The following ACSS1 variants were observed in gnomAD, a reference collection of about 807,000 sequenced individuals.
The protein encoded by ACSS1 is acyl-CoA synthetase short chain family member 1.
A neutral mutation model predicts 75.3 loss-of-function variants in ACSS1; 42 were observed. That is an observed-to-expected ratio of 0.56 (90% CI 0.44 to 0.72). ACSS1 has a LOEUF of 0.72. Among genes scored for constraint, ACSS1 ranks in the 30% least tolerant of loss-of-function variants. The pLI, the probability that ACSS1 is intolerant of heterozygous loss-of-function variation, is 0.00. For synonymous variants in ACSS1, 380 were observed against 376.8 expected (o/e 1.01, Z -0.10); for missense variants, 782 against 935.7 (o/e 0.84, Z 2.14).
At chr20:25,008,839 C>G (rs1042456129) in intron 13 of ACSS1, among the ~76,000 whole-genome samples, 2 of 152,210 alleles carry the variant, frequency 1.3e-5, no homozygotes, top group African/African-American at 4.8e-5. Flanking sequence ...CTGCACATGC[C>G]AACATACGAG....
In ACSS1 at chr20:25,057,951, G is replaced by A. The variant is rs554617131; in HGVS notation, c.152C>T (p.Ala51Val). Reference protein sequence around the residue: ...PSGSAPAVAAAAAQPGSYPAL... With the variant: ...PSGSAPAVAAVAAQPGSYPAL... ...GGGATACGAGCCTGGCTGTGCTGCTGCTGCTGCAACTGCGGGAGCGCTGCC... is the reference window on the plus strand; with the variant it reads ...GGGATACGAGCCTGGCTGTGCTGCTACTGCTGCAACTGCGGGAGCGCTGCC... Residue 51 changes from alanine to valine, a missense_variant, in exon 1 of 14, where the codon GCA becomes GTA. By Grantham distance (64) the Ala-to-Val change is moderately conservative. This residue lies in a region of ACSS1 where 377 missense variants were observed against 383.1 expected (regional missense o/e 0.98). Coordinates refer to ENST00000323482, the MANE Select transcript of ACSS1 (RefSeq NM_032501.4). The A allele has an allele frequency of 4.4e-6, 7 of 1,600,588 alleles. No individual in the cohort carries two copies. In the African/African-American group the frequency reaches 9.4e-5, roughly 21 times the overall value.
At chr20:25,018,179 C>A (rs2088553595) in intron 7 of ACSS1, among the ~76,000 whole-genome samples, 1 of 152,138 alleles carries the variant, frequency 6.6e-6, no homozygotes, top group African/African-American at 2.4e-5. Context: ...AGGTTTCCAC[C>A]CTCATGAGTG....
chr20:25,053,100 A>C (rs1193541043), intron 1 of ACSS1, among the ~76,000 whole-genome samples: 2 of 130,826 alleles, frequency 1.5e-5, no homozygotes, highest in African/African-American at 3.1e-5. Context: ...GTCTCACTCC[A>C]TTGCCCAGGC....
intron 1 of ACSS1, among the ~76,000 whole-genome samples, chr20:25,049,106 A>T (rs968296849): frequency 6.6e-6 from 1 of 152,238 alleles, no homozygotes; most frequent in Non-Finnish European, 1.5e-5. Flanking sequence ...ACAAATGTAG[A>T]CAGATTCCAG....
chr20:25,021,279 T>C (rs1487773808), intron 6 of ACSS1, 110 bp downstream of exon 6: 9 of 1,407,134 alleles, frequency 6.4e-6, no homozygotes, highest in Middle Eastern at 5.1e-4. Context: ...AGCCACACCC[T>C]CACCAGAACC....
rs2088461201 is a variant in ACSS1 at position 25,013,664 on chromosome 20, T to C, written c.1453-2A>G. 6.3e-7 allele frequency: 1 copy of C among 1,594,260 alleles called. No individual in the cohort carries two copies. Among genetic ancestry groups the C allele is most frequent in the Non-Finnish European group, 8.6e-7 (1 of 1,169,210 alleles). The stretch of plus-strand genomic sequence containing the variant: ...GTTGCTGCCCTCCACGACGCTGCCC[T>C]GTAGACCCCGGACATGCAAGTGAGA... On this transcript the variant is annotated splice_acceptor_variant, in intron 9 of 13. Coordinates refer to ENST00000323482, the MANE Select transcript of ACSS1 (RefSeq NM_032501.4). LOFTEE classifies it high-confidence loss of function.
Position 25,016,971 on chromosome 20 carries a change from ACTT to A in ACSS1, c.1247-1744_1247-1742del, listed in dbSNP as rs144561574. The stretch of plus-strand genomic sequence containing the variant: ...ACCCCTGGAGCAGAGGTCGAGGAAA[ACTT>A]CAGCTTTTTTTTTTTTTCTTTTTTT... On this transcript the variant is annotated intron_variant, in intron 7 of 13. Coordinates refer to ENST00000323482, the MANE Select transcript of ACSS1 (RefSeq NM_032501.4). Among the ~76,000 whole-genome samples the A allele has an allele frequency of 7.2e-4, 109 of 151,618 alleles. 2 individuals are homozygous for A. In the East Asian group the frequency reaches 0.021, roughly 29 times the overall value.
intron 2 of ACSS1, among the ~76,000 whole-genome samples, chr20:25,047,237 A>G (rs2089108306): frequency 6.6e-6 from 1 of 152,122 alleles, no homozygotes; most frequent in Non-Finnish European, 1.5e-5. Flanking sequence ...GCCTGTCGGA[A>G]TGCTCCTCCT....
At chr20:25,032,853 C>T (rs2088850310) in intron 2 of ACSS1, 1 of 273,232 alleles carries the variant, frequency 3.7e-6, no homozygotes, top group South Asian at 1.4e-4. Context: ...AACCAGATCG[C>T]AAGGCCAGCC....
Position 25,020,154 on chromosome 20 carries a change from A to C in ACSS1, c.1109-7T>G, listed in dbSNP as rs1372176936. On this transcript the variant is annotated splice_region_variant and splice_polypyrimidine_tract_variant and intron_variant, in intron 6 of 13. Coordinates refer to ENST00000323482, the MANE Select transcript of ACSS1 (RefSeq NM_032501.4). ...ACTGTCTCCCAGTACCGACCTACAG[A>C]AAGGCCGAAATTCACTGTCAGCAGG... 6.2e-7 allele frequency: 1 copy of C among 1,614,084 alleles called. No individual in the cohort carries two copies. The highest frequency in any genetic ancestry group is 1.7e-5 in the Admixed American group (1 of 60,024).
intron 2 of ACSS1, among the ~76,000 whole-genome samples, chr20:25,042,915 C>T (rs767476351): frequency 2.0e-5 from 3 of 152,234 alleles, no homozygotes; most frequent in Non-Finnish European, 1.5e-5. Flanking sequence ...TCTCCACGCC[C>T]AGCAGCCCAG....
chr20:25,020,347 C>A (rs894851231), intron 6 of ACSS1, among the ~76,000 whole-genome samples, 200 bp from the exon 7 acceptor site: 1 of 151,776 alleles, frequency 6.6e-6, no homozygotes, highest in African/African-American at 2.4e-5. Flanking sequence ...TGGCCGCTCT[C>A]CTCCAAGCAC....
At chr20:25,012,357 C>T in intron 12 of ACSS1, 1 of 565,896 alleles carries the variant, frequency 1.8e-6, no homozygotes, top group Non-Finnish European at 3.1e-6. Flanking sequence ...CCAACTGGGT[C>T]ATGGCCACTG....
At chr20:25,024,317 G>T (rs1204038752) in intron 3 of ACSS1, among the ~76,000 whole-genome samples, 2 of 152,248 alleles carry the variant, frequency 1.3e-5, no homozygotes, top group Non-Finnish European at 2.9e-5. Flanking sequence ...CCAGAGCAGA[G>T]AAGAGGGGTG....
intron 2 of ACSS1, among the ~76,000 whole-genome samples, chr20:25,033,190 C>T (rs770579512): frequency 1.3e-5 from 2 of 152,142 alleles, no homozygotes; most frequent in Non-Finnish European, 2.9e-5. Context: ...TTTCATAGCT[C>T]TGAGAGCTTA....
intron 1 of ACSS1, among the ~76,000 whole-genome samples, chr20:25,049,603 G>A (rs2089148769): frequency 6.6e-6 from 1 of 152,186 alleles, no homozygotes. Flanking sequence ...TCCAAACAGG[G>A]CACTGGAGCT....
chr20:25,055,075 G>A (rs4815364), intron 1 of ACSS1, among the ~76,000 whole-genome samples: 82,947 of 152,030 alleles, frequency 0.55, 23,833 homozygotes, highest in East Asian at 0.73. Context: ...CATTCCTTCT[G>A]TTTTATGGAA....
intron 2 of ACSS1, 86 bp from the exon 3 acceptor site, chr20:25,031,044 T>C (rs768231733): frequency 2.5e-5 from 33 of 1,320,952 alleles, no homozygotes; most frequent in Non-Finnish European, 3.4e-5. Context: ...ACTGCAAATT[T>C]TATGTCATAT....
chr20:25,028,030 T>C (rs915675815), intron 3 of ACSS1, among the ~76,000 whole-genome samples: 1 of 152,072 alleles, frequency 6.6e-6, no homozygotes, highest in African/African-American at 2.4e-5. Context: ...TAAAAATTCA[T>C]AAAAGAATAA....
Sources: gnomAD v4.1 joint callset for allele counts (sites outside exome capture counted in the v4.1 genomes callset) on GRCh38, gnomAD v4.1.1 for gene constraint, gnomAD v4.1.1 regional missense constraint, MANE v1.5 for transcripts, NCBI Gene and HGNC (gene_info 2026-07-23, HGNC 2026-07-21) for gene names.